The following MYH9 variants were observed in gnomAD, a reference collection of about 807,000 sequenced individuals.
The protein encoded by MYH9 is myosin-9.
Under a neutral mutation model 241.9 loss-of-function variants are expected in MYH9, and 29 were observed. That is an observed-to-expected ratio of 0.12 (90% CI 0.09 to 0.16). The LOEUF (loss-of-function observed/expected upper bound fraction) is 0.16, where lower values mean the gene tolerates loss of function less well. Among genes scored for constraint, MYH9 ranks in the 10% least tolerant of loss-of-function variants. The pLI is 1.00. For synonymous variants in MYH9, 1,047 were observed against 1,062.6 expected, an observed-to-expected ratio of 0.99 and a Z score of 0.29; for missense variants, 1,803 against 2,595.5, an observed-to-expected ratio of 0.69 and a Z score of 6.63.
rs544454871 is a variant in MYH9 at position 36,369,561 on chromosome 22, C to T, written c.-20+18246G>A. On this transcript the variant is annotated intron_variant, in intron 1 of 40. Coordinates refer to ENST00000216181, the MANE Select transcript of MYH9 (RefSeq NM_002473.6). ...CAAGGACCAGGCTAACCAGACCTCACACCAGCCTGCCAGCCTTCACCTGCT... is the reference window on the plus strand; with the variant it reads ...CAAGGACCAGGCTAACCAGACCTCATACCAGCCTGCCAGCCTTCACCTGCT... Among the ~76,000 whole-genome samples the T allele has an allele frequency of 7.2e-5, 11 of 152,284 alleles. No homozygotes were observed. The South Asian group carries it at 1.7e-3, about 23-fold the overall frequency.
In MYH9 at chr22:36,309,058, G is replaced by A. The variant is rs2239782; in HGVS notation, c.1843+224C>T. Among the ~76,000 whole-genome samples the A allele has an allele frequency of 0.24, 36,622 of 152,148 alleles. 5,795 individuals carry two copies. The highest frequency in any genetic ancestry group is 0.76 in the East Asian group (3,894 of 5,156). On this transcript the variant is annotated intron_variant, in intron 15 of 40. Coordinates refer to ENST00000216181, the MANE Select transcript of MYH9 (RefSeq NM_002473.6). ...CTTGACTTTCCCACACACGGAAAGC[G>A]CTCCGCCCAGGAGGACCCGGCCACG... is the stretch of plus-strand genomic sequence containing the variant.
At chr22:36,318,356 A>C in intron 10 of MYH9, 31 bp from the exon 11 acceptor site, 1 of 1,530,056 alleles carries the variant, frequency 6.5e-7, no homozygotes, top group Non-Finnish European at 9.1e-7. Flanking sequence ...AGAGAGGGAC[A>C]AAAAGTCCTA....
Position 36,306,067 on chromosome 22 carries a change from C to T in MYH9, c.2038-16G>A. On this transcript the variant is annotated splice_polypyrimidine_tract_variant and intron_variant, in intron 16 of 40. Transcript: ENST00000216181. This position sits in a 1 kb window ranked among gnomAD's most constrained non-coding sequence, Gnocchi z 4.1. ...GCTTGCCGGCCTGGAGAAGAAAACA[C>T]ATGCATGCGGTCTCACTTCCGTGCC... 2 of 1,612,614 alleles carry T rather than the reference C, an allele frequency of 1.2e-6. No homozygotes were observed. Among genetic ancestry groups the T allele is most frequent in the Non-Finnish European group, 8.5e-7 (1 of 1,179,972 alleles).
At chr22:36,349,623 G>C (rs562659475) in intron 1 of MYH9, among the ~76,000 whole-genome samples, 1 of 152,082 alleles carries the variant, frequency 6.6e-6, no homozygotes, top group Non-Finnish European at 1.5e-5. Flanking sequence ...CTAGCTACTC[G>C]GGAGGCTGAG....
In MYH9 at chr22:36,288,733, G is replaced by A. The variant is rs1279085038; in HGVS notation, c.4764C>T (p.Val1588=). The A allele has an allele frequency of 6.2e-7, 1 of 1,603,190 alleles. No homozygotes were observed. The highest frequency in any genetic ancestry group is 1.3e-5 in the African/African-American group (1 of 75,036). ...AGCAGGAGGCCATGCACACCTGTCT[G>A]ACCAGCTGCTTCTTCTTCTCCTCGC... ...EQSEEKKKQL[V]RQVREMEAEL... is the part of the protein sequence containing the mutation. Residue 1588 remains valine (V), a synonymous_variant, in exon 33 of 41, where the codon GTC becomes GTT. Coordinates refer to ENST00000216181, the MANE Select transcript of MYH9 (RefSeq NM_002473.6). The surrounding 1 kb of genome is among the most constrained non-coding windows in gnomAD (Gnocchi z 4.8).
At chr22:36,298,326 C>A (rs528592897) in intron 24 of MYH9, among the ~76,000 whole-genome samples, 1 of 152,114 alleles carries the variant, frequency 6.6e-6, no homozygotes, top group South Asian at 2.1e-4. Context: ...TACCCCAGCA[C>A]CCCCTCCCTG....
In MYH9 at chr22:36,326,600, C is replaced by G. The variant is rs773050248; in HGVS notation, c.580G>C (p.Val194Leu). The change falls in exon 5 of 41, where the codon GTG becomes CTG. Residue 194 changes from valine to leucine, a missense_variant. Physicochemically the swap from Val to Leu is conservative, Grantham distance 32 (BLOSUM62 1). This residue lies in a region of MYH9 where 222 missense variants were observed against 359.9 expected (regional missense o/e 0.62). Transcript: ENST00000216181. ...TKKVIQYLAY[V>L]ASSHKSKKDQ... The stretch of plus-strand genomic sequence containing the variant: ...TTCTTGCTCTTGTGCGAGGACGCCA[C>G]GTACGCCAGATACTGGATGACCTTC... The G allele has an allele frequency of 2.5e-6, 4 of 1,614,250 alleles. No homozygotes were observed. The highest frequency in any genetic ancestry group is 2.2e-5 in the South Asian group (2 of 91,088).
At chr22:36,292,366 C>A (rs1361236640) in intron 30 of MYH9, 132 bp from the exon 31 acceptor site, 2 of 1,208,382 alleles carry the variant, frequency 1.7e-6, no homozygotes, top group Non-Finnish European at 2.4e-6. Flanking sequence ...AGTTATGAAA[C>A]CGCCTCCCCC....
At chr22:36,324,625 G>A (rs1037149280) in intron 5 of MYH9, among the ~76,000 whole-genome samples, 3 of 152,236 alleles carry the variant, frequency 2.0e-5, no homozygotes, top group Non-Finnish European at 2.9e-5. Flanking sequence ...GTGAGAGAGC[G>A]CTGGCTCCCA....
chr22:36,335,862 C>A (rs1240480002), intron 3 of MYH9, among the ~76,000 whole-genome samples: 1 of 152,218 alleles, frequency 6.6e-6, no homozygotes, highest in East Asian at 1.9e-4. Flanking sequence ...ATTATCTGTG[C>A]CTGCCTCTTT....
Position 36,295,959 on chromosome 22 carries a change from C to T in MYH9, c.3273-242G>A, listed in dbSNP as rs1330920412. On this transcript the variant is annotated intron_variant, in intron 25 of 40. Coordinates refer to ENST00000216181, the MANE Select transcript of MYH9 (RefSeq NM_002473.6). The surrounding 1 kb of genome is among the most constrained non-coding windows in gnomAD (Gnocchi z 4.1). ...TCAATTTCCAAAGTAAGATTCACTG[C>T]TTCAAATATTTTTAAAAGTCAAATG... is the stretch of plus-strand genomic sequence containing the variant. Among the ~76,000 whole-genome samples the T allele has an allele frequency of 2.6e-5, 4 of 152,196 alleles. No homozygotes were observed. Among genetic ancestry groups the T allele is most frequent in the African/African-American group, 9.7e-5 (4 of 41,434 alleles).
chr22:36,285,521 A>C lies in MYH9; in HGVS notation c.5274+137T>G. The C allele has an allele frequency of 1.4e-6, 2 of 1,421,152 alleles. No individual in the cohort carries two copies. Among genetic ancestry groups the C allele is most frequent in the South Asian group, 2.4e-5 (2 of 83,880 alleles). The allele number at this position is 1,421,152 out of a possible 1,614,324, so 88.0% of individuals were successfully genotyped here. A position where few individuals can be genotyped will look rare whatever the true frequency, so the allele number is the denominator to read the frequency against. On this transcript the variant is annotated intron_variant, in intron 37 of 40. Transcript: ENST00000216181. This position sits in a 1 kb window ranked among gnomAD's most constrained non-coding sequence, Gnocchi z 7.0. ...AGCCAGAGGGGGACCTTTCAGGTCC[A>C]GGTGCCTGGACATTTTCCCCTAAGC...
chr22:36,324,288 T>A (rs2017302175), intron 5 of MYH9, among the ~76,000 whole-genome samples: 1 of 152,244 alleles, frequency 6.6e-6, no homozygotes, highest in African/African-American at 2.4e-5. Flanking sequence ...GACATCTAAT[T>A]GGGCACAGAA....
chr22:36,358,649 G>A (rs1198130183), intron 1 of MYH9, among the ~76,000 whole-genome samples: 4 of 151,996 alleles, frequency 2.6e-5, no homozygotes, highest in South Asian at 2.1e-4. Flanking sequence ...GACAGTCACC[G>A]TAAACTCCTC....
At position 36,304,009 on chromosome 22, in the gene MYH9, G is replaced by T. The variant is rs746016760; in HGVS notation, c.2376C>A (p.Gly792=). 1.2e-5 allele frequency: 20 copies of T among 1,613,474 alleles called. No individual in the cohort carries two copies. In the South Asian group the frequency reaches 2.1e-4, roughly 17 times the overall value. The part of the protein sequence containing the change: ...VIIGFQACCR[G]YLARKAFAKR... ...CCGGGACTCACTTCCTGGCCAGGTAGCCCCTGCAGCAGGCCTGGAACCCTA... is the reference window on the plus strand; with the variant it reads ...CCGGGACTCACTTCCTGGCCAGGTATCCCCTGCAGCAGGCCTGGAACCCTA... The change falls in exon 19 of 41, where the codon GGC becomes GGA. Residue 792 remains glycine, a synonymous_variant. Coordinates refer to ENST00000216181, the MANE Select transcript of MYH9 (RefSeq NM_002473.6).
At chr22:36,315,672 C>T (rs573417665) in intron 12 of MYH9, among the ~76,000 whole-genome samples, 3 of 152,038 alleles carry the variant, frequency 2.0e-5, no homozygotes, top group Admixed American at 1.3e-4. Flanking sequence ...GGCTTATGCC[C>T]GGGAGGTCGA....
Position 36,343,022 on chromosome 22 carries a change from G to C in MYH9, c.334-1496C>G, listed in dbSNP as rs553581836. On this transcript the variant is annotated intron_variant, in intron 2 of 40. Transcript: ENST00000216181. ...CATCTGAGGGACTGCATGCACTACA[G>C]AGTCAACCCAGCCCCCTCCACCTGT... 8.5e-5 allele frequency among the ~76,000 whole-genome samples: 13 copies of C among 152,294 alleles called. No homozygotes were observed. The South Asian group carries it at 2.7e-3, about 32-fold the overall frequency.
intron 1 of MYH9, among the ~76,000 whole-genome samples, chr22:36,379,439 G>A (rs548285621): frequency 1.3e-5 from 2 of 152,348 alleles, no homozygotes; most frequent in South Asian, 4.1e-4. Flanking sequence ...AACCCGGGAG[G>A]TGGAGCGTGC....
In MYH9 at chr22:36,293,994, A is replaced by AAG. The variant is rs1438433338; in HGVS notation, c.3837+96_3837+97dup. 26 of 1,496,096 alleles carry AAG rather than the reference A, an allele frequency of 1.7e-5. No homozygotes were observed. Among genetic ancestry groups the AAG allele is most frequent in the Non-Finnish European group, 2.2e-5 (24 of 1,089,272 alleles). The allele number at this position is 1,496,096 out of a possible 1,614,324, so 92.7% of individuals were successfully genotyped here. A position where few individuals can be genotyped will look rare whatever the true frequency, so the allele number is the denominator to read the frequency against. On this transcript the variant is annotated intron_variant, in intron 28 of 40. Coordinates refer to ENST00000216181, the MANE Select transcript of MYH9 (RefSeq NM_002473.6). The surrounding 1 kb of genome is among the most constrained non-coding windows in gnomAD (Gnocchi z 5.1). ...TGAGGGTCTGAGGAGCCAGTTTGAG[A>AAG]AGAGAGAGAGACAGAGAGCACACAT...
Sources: allele counts gnomAD v4.1 joint callset (sites outside exome capture counted in the v4.1 genomes callset), GRCh38; gene constraint gnomAD v4.1.1; regional missense constraint gnomAD v4.1.1; non-coding constraint Gnocchi (gnomAD v3.1); transcripts MANE v1.5; gene names NCBI Gene and HGNC (gene_info 2026-07-23, HGNC 2026-07-21).